TG: variants seen among roughly 807,000 people sequenced by gnomAD.
TG encodes the protein thyroid hormones.
TG carries 270 observed loss-of-function variants against 324.7 expected under a neutral mutation model. That is an observed-to-expected ratio of 0.83 (90% CI 0.75 to 0.92). TG has a LOEUF of 0.92. Among genes scored for constraint, TG ranks in the 40% least tolerant of loss-of-function variants. TG has a pLI of 0.00. For synonymous variants in TG, 1,401 were observed against 1,327.0 expected (o/e 1.06, Z -1.21); for missense variants, 3,591 against 3,456.4 (o/e 1.04, Z -0.98).
chr8:133,123,991 A>G (rs760519183), intron 45 of TG, among the ~76,000 whole-genome samples: 1 of 152,256 alleles, frequency 6.6e-6, no homozygotes, highest in African/African-American at 2.4e-5. Context: ...GAGCATTACT[A>G]ATGCTGCTTC....
chr8:132,868,356 G>C (rs951236447), intron 2 of TG, 133 bp downstream of exon 2: 1 of 835,458 alleles, frequency 1.2e-6, no homozygotes. Context: ...GTCATTTGGA[G>C]GTGCCTGCCT....
chr8:132,948,956 C>A lies in TG; in HGVS notation c.5401+13C>A. On this transcript the variant is annotated intron_variant, in intron 27 of 47. Coordinates refer to ENST00000220616, the MANE Select transcript of TG (RefSeq NM_003235.5). Reference sequence around the variant, plus strand: ...GAGTTCATCAAGAGTAAGTCTTTGCCATTTGTCCATATTCTTTCAAAATTA... The same window carrying A: ...GAGTTCATCAAGAGTAAGTCTTTGCAATTTGTCCATATTCTTTCAAAATTA... 1 of 1,611,302 alleles carries A rather than the reference C, an allele frequency of 6.2e-7. No individual in the cohort carries two copies. Among genetic ancestry groups the A allele is most frequent in the South Asian group, 1.1e-5 (1 of 91,056 alleles).
At position 133,089,085 on chromosome 8, in the gene TG, T is replaced by C. The variant is rs932764114; in HGVS notation, c.7240-5959T>C. On this transcript the variant is annotated intron_variant, in intron 41 of 47. Coordinates refer to ENST00000220616, the MANE Select transcript of TG (RefSeq NM_003235.5). Reference sequence around the variant, plus strand: ...TGGGTGAGTTCCCAGGAGAGGTCGGTGCGAGGGTGGAGACATGGCACTCTG... The same window carrying C: ...TGGGTGAGTTCCCAGGAGAGGTCGGCGCGAGGGTGGAGACATGGCACTCTG... 2.0e-5 allele frequency among the ~76,000 whole-genome samples: 3 copies of C among 152,158 alleles called. No individual in the cohort carries two copies. The East Asian group carries it at 5.8e-4, about 29-fold the overall frequency.
intron 17 of TG, among the ~76,000 whole-genome samples, chr8:132,907,527 G>A (rs966873200): frequency 3.3e-5 from 5 of 152,184 alleles, no homozygotes; most frequent in Non-Finnish European, 4.4e-5. Context: ...GCATCTGGGA[G>A]AGAGACCAAG....
intron 29 of TG, 90 bp from the exon 30 acceptor site, chr8:132,966,470 G>C (rs1828583316): frequency 3.0e-6 from 4 of 1,352,990 alleles, no homozygotes; most frequent in Non-Finnish European, 3.2e-6. Flanking sequence ...CTCTCTCTGT[G>C]TGTGTGTGTG....
chr8:133,096,812 A>G (rs193198590), intron 43 of TG, among the ~76,000 whole-genome samples: 134 of 152,306 alleles, frequency 8.8e-4, no homozygotes, highest in Non-Finnish European at 1.2e-3. Flanking sequence ...TCCAAGTTAA[A>G]TTTCCTAGTA....
chr8:132,927,900 T>G (rs1822111478), intron 22 of TG, among the ~76,000 whole-genome samples: 1 of 152,176 alleles, frequency 6.6e-6, no homozygotes, highest in Non-Finnish European at 1.5e-5. Context: ...TATAAAAATA[T>G]AAAAAGAGAT....
chr8:132,872,478 A>AC, intron 4 of TG, among the ~76,000 whole-genome samples: 1 of 25,232 alleles, frequency 4.0e-5, no homozygotes, highest in African/African-American at 3.7e-4. Context: ...ACTCCGTCTC[A>AC]AAAAAAAAAA....
intron 22 of TG, among the ~76,000 whole-genome samples, chr8:132,924,950 C>T (rs1011898883): frequency 2.0e-5 from 3 of 152,222 alleles, no homozygotes; most frequent in African/African-American, 7.2e-5. Context: ...GATATCTTCT[C>T]AATCTTTATG....
Position 132,897,709 on chromosome 8 carries a change from T to G in TG, c.3062T>G (p.Leu1021Arg). Residue 1021 changes from leucine to arginine, a missense_variant, in exon 12 of 48, where the codon CTT becomes CGT. Physicochemically the swap from Leu to Arg is moderately radical, Grantham distance 102. Transcript: ENST00000220616. ...SPDDSAGASALLRSGPYMPQC... is the reference protein window; with the variant it reads ...SPDDSAGASARLRSGPYMPQC... ...GACGACTCGGCTGGAGCATCCGCCC[T>G]TCTGCGGTCGGGCCCCTACATGCCA... 1 of 1,614,216 alleles carries G rather than the reference T, an allele frequency of 6.2e-7. No homozygotes were observed. Among genetic ancestry groups the G allele is most frequent in the South Asian group, 1.1e-5 (1 of 91,088 alleles).
At chr8:132,984,022 C>A (rs978279310) in intron 35 of TG, among the ~76,000 whole-genome samples, 1 of 152,206 alleles carries the variant, frequency 6.6e-6, no homozygotes, top group African/African-American at 2.4e-5. Flanking sequence ...GTAGAGACAT[C>A]TGGATGCTCT....
chr8:132,966,421 T>C, intron 29 of TG, 139 bp from the exon 30 acceptor site: 1 of 1,124,950 alleles, frequency 8.9e-7, no homozygotes, highest in Non-Finnish European at 1.3e-6. Flanking sequence ...AGCATAAAAA[T>C]GTCTCTGTCT....
chr8:133,100,851 A>T (rs536360415), intron 43 of TG, among the ~76,000 whole-genome samples: 1 of 152,300 alleles, frequency 6.6e-6, no homozygotes, highest in South Asian at 2.1e-4. Context: ...TAATTTTAAA[A>T]TTTCAATAGC....
At chr8:132,892,551 G>A (rs113170050) in intron 10 of TG, among the ~76,000 whole-genome samples, 5,989 of 152,256 alleles carry the variant, frequency 0.039, 276 homozygotes, top group African/African-American at 0.11. Context: ...TGACTGAATG[G>A]GAGTGTGGAG....
chr8:133,003,570 A>AG (rs1833753565), intron 35 of TG, among the ~76,000 whole-genome samples: 1 of 152,150 alleles, frequency 6.6e-6, no homozygotes, highest in African/African-American at 2.4e-5. Context: ...ATACCCCATA[A>AG]ATATGTATAA....
chr8:132,903,405 A>T (rs1472572607), intron 16 of TG, among the ~76,000 whole-genome samples: 1 of 152,242 alleles, frequency 6.6e-6, no homozygotes, highest in Non-Finnish European at 1.5e-5. Flanking sequence ...TGCCCCATGC[A>T]GGTGCAGATG....
At chr8:133,092,194 C>A (rs183215290) in intron 41 of TG, among the ~76,000 whole-genome samples, 42 of 152,256 alleles carry the variant, frequency 2.8e-4, no homozygotes, top group African/African-American at 9.4e-4. Flanking sequence ...GAGTGTGTCT[C>A]CATCTGTGGT....
intron 34 of TG, among the ~76,000 whole-genome samples, chr8:132,980,645 T>C (rs1021565241): frequency 6.6e-6 from 1 of 152,158 alleles, no homozygotes; most frequent in Non-Finnish European, 1.5e-5. Flanking sequence ...GGCTCAGGGC[T>C]TGTGATTGGT....
chr8:132,920,174 G>T (rs574441270), intron 21 of TG, among the ~76,000 whole-genome samples: 2 of 152,178 alleles, frequency 1.3e-5, no homozygotes, highest in Admixed American at 6.5e-5. Flanking sequence ...ATGTATGGGT[G>T]GCCTTCCCAT....
Sources: allele counts gnomAD v4.1 joint callset (sites outside exome capture counted in the v4.1 genomes callset), GRCh38; gene constraint gnomAD v4.1.1; transcripts MANE v1.5; gene names NCBI Gene and HGNC (gene_info 2026-07-23, HGNC 2026-07-21).